The following ARSB variants were observed in gnomAD, a reference collection of about 807,000 sequenced individuals.
The protein encoded by ARSB is N-acetylgalactosamine-4-sulfatase.
In ARSB, 41 loss-of-function variants were observed where a neutral mutation model predicts 50.9. The ratio of observed to expected loss-of-function variants is 0.81; its 90% CI spans 0.63 to 1.04. The LOEUF (loss-of-function observed/expected upper bound fraction) is 1.04, where lower values mean the gene tolerates loss of function less well. Ranked by LOEUF, ARSB falls within the 50% of genes least tolerant of loss-of-function variation. ARSB has a pLI of 0.00. For synonymous variants in ARSB, 269 were observed against 284.8 expected (o/e 0.94, Z 0.56); for missense variants, 672 against 693.3 (o/e 0.97, Z 0.35).
intron 5 of ARSB, 60 bp downstream of exon 5, chr5:78,885,524 T>C: frequency 1.3e-6 from 2 of 1,597,002 alleles, no homozygotes; most frequent in African/African-American, 1.3e-5. Context: ...TCTTGCTCAA[T>C]GGAGTCAGGC....
chr5:78,905,775 T>C (rs1353466780), intron 4 of ARSB, among the ~76,000 whole-genome samples: 2 of 151,874 alleles, frequency 1.3e-5, no homozygotes, highest in Non-Finnish European at 2.9e-5. Context: ...ATCCTTCAGA[T>C]CCACCCCCAA....
At chr5:78,859,192 G>C (rs946755755) in intron 5 of ARSB, among the ~76,000 whole-genome samples, 2 of 152,132 alleles carry the variant, frequency 1.3e-5, no homozygotes, top group African/African-American at 4.8e-5. Flanking sequence ...CATAAATTAA[G>C]AGTATAGGCA....
intron 6 of ARSB, among the ~76,000 whole-genome samples, chr5:78,820,634 C>A (rs1744175182): frequency 6.6e-6 from 1 of 152,182 alleles, no homozygotes; most frequent in African/African-American, 2.4e-5. Context: ...TACCATGCAG[C>A]AGTTAAAAGA....
chr5:78,860,991 C>T (rs1475181782), intron 5 of ARSB, among the ~76,000 whole-genome samples: 1 of 152,182 alleles, frequency 6.6e-6, no homozygotes, highest in Non-Finnish European at 1.5e-5. Context: ...CACCTCTATG[C>T]AAATAAACTA....
At chr5:78,985,569 AAG>A (rs1491409427), upstream of ARSB, 1 of 202,378 alleles carries the variant, frequency 4.9e-6, no homozygotes, top group African/African-American at 2.3e-5. Flanking sequence ...CTAAAAAAAA[AAG>A]ATGTGTTCTT....
chr5:78,860,406 CTG>C (rs916774214), intron 5 of ARSB, among the ~76,000 whole-genome samples: 37 of 152,314 alleles, frequency 2.4e-4, no homozygotes, highest in Middle Eastern at 6.8e-3. Flanking sequence ...TTATAACAAA[CTG>C]TCTTTCAGAC....
chr5:78,843,462 T>C (rs1421659651), intron 5 of ARSB, among the ~76,000 whole-genome samples: 1 of 152,170 alleles, frequency 6.6e-6, no homozygotes, highest in Non-Finnish European at 1.5e-5. Context: ...TCTTAAAAAA[T>C]ACTGATGCAT....
chr5:78,943,320 A>C (rs1347897465), intron 4 of ARSB, among the ~76,000 whole-genome samples: 1 of 152,102 alleles, frequency 6.6e-6, no homozygotes, highest in African/African-American at 2.4e-5. Flanking sequence ...TGATCCTGTC[A>C]TGATGTTAGC....
chr5:78,842,983 CTT>C (rs1745293592), intron 5 of ARSB, among the ~76,000 whole-genome samples: 1 of 152,144 alleles, frequency 6.6e-6, no homozygotes, highest in Non-Finnish European at 1.5e-5. Context: ...CATTCTCAAA[CTT>C]TGCTGTACAT....
chr5:78,852,102 TATG>T (rs1159634668), intron 5 of ARSB, among the ~76,000 whole-genome samples: 1 of 152,224 alleles, frequency 6.6e-6, no homozygotes, highest in Non-Finnish European at 1.5e-5. Flanking sequence ...ATCTTGTCAT[TATG>T]ATATTAGCTG....
At chr5:78,800,606 AAATT>A (rs749799536) in intron 6 of ARSB, among the ~76,000 whole-genome samples, 1 of 152,232 alleles carries the variant, frequency 6.6e-6, no homozygotes, top group Non-Finnish European at 1.5e-5. Flanking sequence ...GAAAAACATT[AAATT>A]AATTAATAAT....
chr5:78,817,368 C>T (rs1308214756), intron 6 of ARSB, among the ~76,000 whole-genome samples: 1 of 152,150 alleles, frequency 6.6e-6, no homozygotes, highest in African/African-American at 2.4e-5. Context: ...GTTCCCAGGA[C>T]CCACTCGGCT....
intron 5 of ARSB, among the ~76,000 whole-genome samples, chr5:78,842,263 G>A (rs892105795): frequency 2.0e-5 from 3 of 152,158 alleles, no homozygotes; most frequent in Non-Finnish European, 2.9e-5. Context: ...GGAGCTTGTC[G>A]GAAGGAGGGG....
At chr5:78,887,017 A>G (rs992819646) in intron 4 of ARSB, among the ~76,000 whole-genome samples, 3 of 152,126 alleles carry the variant, frequency 2.0e-5, no homozygotes, top group East Asian at 1.9e-4. Context: ...GAGGCCAGAC[A>G]CTCACTAGCT....
intron 6 of ARSB, among the ~76,000 whole-genome samples, chr5:78,838,100 T>C (rs1162776635): frequency 6.6e-6 from 1 of 152,020 alleles, no homozygotes; most frequent in East Asian, 1.9e-4. Context: ...GATAAAAAAA[T>C]ACAGGAGATG....
intron 5 of ARSB, among the ~76,000 whole-genome samples, chr5:78,849,857 CTGTT>C (rs1376449360): frequency 8.7e-5 from 13 of 149,758 alleles, no homozygotes; most frequent in South Asian, 4.3e-4. Flanking sequence ...ATTTGGCTCT[CTGTT>C]TGTCTGTTAT....
intron 4 of ARSB, among the ~76,000 whole-genome samples, chr5:78,930,900 G>C (rs111472737): frequency 5.3e-5 from 8 of 152,210 alleles, no homozygotes; most frequent in African/African-American, 1.7e-4. Context: ...TAGGCACTGC[G>C]TTCCCAGGCC....
intron 5 of ARSB, among the ~76,000 whole-genome samples, chr5:78,848,126 G>A (rs1745540103): frequency 1.3e-5 from 2 of 150,662 alleles, no homozygotes; most frequent in Non-Finnish European, 3.0e-5. Context: ...GTGCAGGTTA[G>A]TTACATATGT....
intron 5 of ARSB, among the ~76,000 whole-genome samples, chr5:78,851,336 G>T (rs562106675): frequency 9.8e-5 from 15 of 152,340 alleles, no homozygotes; most frequent in African/African-American, 3.6e-4. Flanking sequence ...TCATTCAGGA[G>T]TAGGTTGTTC....
Sources: allele counts gnomAD v4.1 joint callset (sites outside exome capture counted in the v4.1 genomes callset), GRCh38; gene constraint gnomAD v4.1.1; transcripts MANE v1.5; gene names NCBI Gene and HGNC (gene_info 2026-07-23, HGNC 2026-07-21).